Variants in WDR19 observed in about 807,000 individuals in gnomAD.
WDR19 encodes WD repeat domain 19.
WDR19 carries 121 observed loss-of-function variants against 180.0 expected under a neutral mutation model. The observed-to-expected ratio is 0.67, with a 90% CI of 0.58 to 0.78. The LOEUF is 0.78. Ranked by LOEUF, WDR19 falls within the 30% of genes least tolerant of loss-of-function variation. The pLI is 0.00. For synonymous variants in WDR19, 497 were observed against 540.7 expected, an observed-to-expected ratio of 0.92 and a Z score of 1.12; for missense variants, 1,450 against 1,640.7, an observed-to-expected ratio of 0.88 and a Z score of 2.01.
chr4:39,231,100 A>G (rs1049050865), intron 17 of WDR19, among the ~76,000 whole-genome samples: 3 of 152,118 alleles, frequency 2.0e-5, no homozygotes, highest in Non-Finnish European at 2.9e-5. Context: ...TCATGAGGTC[A>G]GCAGATCAAG....
chr4:39,217,147 G>T lies in WDR19; in HGVS notation c.1263G>T (p.Leu421Phe), dbSNP rs751873298. ...AAATTGCTACAGCTGTGAAAAAATT[G>T]AAAGATATGGAGTATCTGGGAACAG... ...YVLGENAVKK[L>F]KDMEYLGTVA... The change falls in exon 13 of 37, where the codon TTG (leucine) becomes TTT (phenylalanine). Residue 421 changes from leucine (L) to phenylalanine (F), a missense_variant. Coordinates refer to ENST00000399820, the MANE Select transcript of WDR19 (RefSeq NM_025132.4). The T allele has an allele frequency of 1.2e-6, 2 of 1,604,382 alleles. No individual in the cohort carries two copies. The highest frequency in any genetic ancestry group is 2.2e-5 in the East Asian group (1 of 44,576).
intron 24 of WDR19, among the ~76,000 whole-genome samples, chr4:39,251,992 G>A (rs1371480375): frequency 1.7e-4 from 26 of 152,142 alleles, no homozygotes; most frequent in Admixed American, 1.7e-3. Context: ...ATTTGACCCA[G>A]CCATCCCATT....
chr4:39,254,214 A>G (rs536487834), intron 26 of WDR19, among the ~76,000 whole-genome samples, 184 bp downstream of exon 26: 15 of 152,318 alleles, frequency 9.8e-5, no homozygotes, highest in African/African-American at 3.6e-4. Context: ...TGCTACTTCA[A>G]GGTGAGATGG....
chr4:39,262,168 T>G (rs1453914501), intron 28 of WDR19, among the ~76,000 whole-genome samples: 1 of 152,192 alleles, frequency 6.6e-6, no homozygotes, highest in African/African-American at 2.4e-5. Flanking sequence ...GTAATTGATC[T>G]GGGACTAAAA....
At chr4:39,237,963 A>G (rs568720894) in intron 20 of WDR19, 2 of 152,240 alleles carry the variant, frequency 1.3e-5, no homozygotes, top group East Asian at 1.9e-4. Context: ...AACTTGTCTC[A>G]TTATGGTCAG....
rs1046501491 is a variant in WDR19 at position 39,182,683 on chromosome 4, G to A, written c.6+120G>A. ...GAGTTCGTTGGAAATGAGGAAGAGA[G>A]AGAGAGAGAGAGGTGGCCAGAGAGA... is the stretch of plus-strand genomic sequence containing the variant. On this transcript the variant is annotated intron_variant, in intron 1 of 36. Transcript: ENST00000399820. The A allele has an allele frequency of 9.0e-6, 13 of 1,442,838 alleles. 1 individual carries two copies. Among genetic ancestry groups the A allele is most frequent in the Non-Finnish European group, 1.0e-5 (11 of 1,059,230 alleles). The allele number at this position is 1,442,838 out of a possible 1,614,324, so 89.4% of individuals were successfully genotyped here.
Position 39,189,684 on chromosome 4 carries a change from G to A in WDR19, c.193G>A (p.Asp65Asn). Residue 65 changes from aspartate to asparagine, a missense_variant, in exon 4 of 37, where the codon GAT becomes AAT. Coordinates refer to ENST00000399820, the MANE Select transcript of WDR19 (RefSeq NM_025132.4). ...CTGTGTTGCCATGGATTGGGATAAA[G>A]ATGGAGATGTCCTAGCAGTGATTGC... ...GNCVAMDWDK[D>N]GDVLAVIAEK... is the part of the protein sequence containing the mutation. 6.2e-7 allele frequency: 1 copy of A among 1,607,268 alleles called. No homozygotes were observed. Among genetic ancestry groups the A allele is most frequent in the Non-Finnish European group, 8.5e-7 (1 of 1,177,420 alleles).
chr4:39,209,036 G>A (rs1728234501), intron 9 of WDR19, among the ~76,000 whole-genome samples: 1 of 152,086 alleles, frequency 6.6e-6, no homozygotes, highest in Non-Finnish European at 1.5e-5. Flanking sequence ...ATAGAACACT[G>A]CACCCAGCAG....
At position 39,244,500 on chromosome 4, in the gene WDR19, A is replaced by G; in HGVS notation, c.2593A>G (p.Lys865Glu). 6.2e-7 allele frequency: 1 copy of G among 1,614,022 alleles called. No homozygotes were observed. The highest frequency in any genetic ancestry group is 8.5e-7 in the Non-Finnish European group (1 of 1,179,892). The change falls in exon 23 of 37, where the codon AAA becomes GAA. Residue 865 changes from lysine (K) to glutamate (E), a missense_variant. Lys to Glu is a moderately conservative substitution (Grantham distance 56). Transcript: ENST00000399820. ...TTCAGAAGCGGCCCAACTGTATGAA[A>G]AAGGTCTCTACTACGATAAAGCAGC... ...QFSEAAQLYE[K>E]GLYYDKAASV...
chr4:39,231,315 CAAAAAAAA>C (rs56002679), intron 17 of WDR19, among the ~76,000 whole-genome samples: 2 of 87,278 alleles, frequency 2.3e-5, no homozygotes, highest in African/African-American at 7.9e-5. Context: ...ACTCCGTCTT[CAAAAAAAA>C]AAAAAAAAAA....
intron 30 of WDR19, among the ~76,000 whole-genome samples, chr4:39,269,051 T>G (rs1735087205): frequency 6.6e-6 from 1 of 151,192 alleles, no homozygotes; most frequent in African/African-American, 2.4e-5. Context: ...GTGCTGGGAT[T>G]TGGGGAAATG....
chr4:39,227,406 CT>C (rs753843822), intron 15 of WDR19, among the ~76,000 whole-genome samples: 6 of 152,174 alleles, frequency 3.9e-5, no homozygotes, highest in Non-Finnish European at 7.3e-5. Flanking sequence ...CCCACCCTAT[CT>C]GTGGGTTCCT....
At chr4:39,198,978 A>G (rs1030436727) in intron 5 of WDR19, among the ~76,000 whole-genome samples, 5 of 151,476 alleles carry the variant, frequency 3.3e-5, no homozygotes, top group African/African-American at 1.2e-4. Context: ...AGCCTGGGCA[A>G]GAGAGTGAGA....
chr4:39,194,914 G>C (rs1726563053), intron 5 of WDR19: 1 of 399,568 alleles, frequency 2.5e-6, no homozygotes, highest in African/African-American at 2.0e-5. Flanking sequence ...TAACAGCATG[G>C]CTTCCATTTG....
intron 5 of WDR19, among the ~76,000 whole-genome samples, chr4:39,195,122 C>T (rs1726585983): frequency 6.6e-6 from 1 of 151,994 alleles, no homozygotes; most frequent in South Asian, 2.1e-4. Flanking sequence ...AATCCCAGCA[C>T]TTTGGGAGGC....
chr4:39,203,539 C>A, intron 6 of WDR19, 103 bp from the exon 7 acceptor site: 2 of 949,822 alleles, frequency 2.1e-6, no homozygotes, highest in Non-Finnish European at 3.2e-6. Flanking sequence ...GGTTCTTAGT[C>A]CAACATTAGT....
At chr4:39,281,203 A>ATGTGTGTGTGTG (rs1254088982) in intron 36 of WDR19, among the ~76,000 whole-genome samples, 2 of 74,284 alleles carry the variant, frequency 2.7e-5, no homozygotes, top group South Asian at 3.4e-4. Flanking sequence ...TCCTAAATAT[A>ATGTGTGTGTGTG]TATGTGTGTG....
At chr4:39,282,127 C>T (rs1337342744) in intron 36 of WDR19, among the ~76,000 whole-genome samples, 1 of 152,172 alleles carries the variant, frequency 6.6e-6, no homozygotes, top group Non-Finnish European at 1.5e-5. Flanking sequence ...ATTCCTTCAT[C>T]TCTATCATAT....
intron 21 of WDR19, 88 bp from the exon 22 acceptor site, chr4:39,244,160 T>A: frequency 2.1e-6 from 3 of 1,431,086 alleles, no homozygotes; most frequent in Non-Finnish European, 2.8e-6. Context: ...ACCTTTGGAC[T>A]CATTTTAGAG....
Sources: allele counts gnomAD v4.1 joint callset (sites outside exome capture counted in the v4.1 genomes callset), GRCh38; gene constraint gnomAD v4.1.1; transcripts MANE v1.5; gene names NCBI Gene and HGNC (gene_info 2026-07-23, HGNC 2026-07-21).